The following RCOR2 variants were observed in gnomAD, a reference collection of about 807,000 sequenced individuals.
The protein encoded by RCOR2 is REST corepressor 2.
In RCOR2, 19 loss-of-function variants were observed where a neutral mutation model predicts 58.9. The ratio of observed to expected loss-of-function variants is 0.32; its 90% confidence interval spans 0.23 to 0.47. RCOR2 has a LOEUF of 0.47. Ranked by LOEUF, RCOR2 falls within the 20% of genes least tolerant of loss-of-function variation. RCOR2 has a pLI of 1.00. For missense variants in RCOR2, 590 were observed against 707.9 expected (o/e 0.83, Z 1.89); for synonymous variants, 286 against 278.7 (o/e 1.03, Z -0.26).
the RCOR2 span, among the ~76,000 whole-genome samples, chr11:63,926,874 T>G: frequency 1.3e-5 from 2 of 148,504 alleles, no homozygotes; most frequent in Non-Finnish European, 3.0e-5. Flanking sequence ...CAGGCTGGAG[T>G]GCAGTGGCGC....
At chr11:63,917,490 C>CG (rs1941877475), upstream of RCOR2, among the ~76,000 whole-genome samples, 1 of 152,090 alleles carries the variant, frequency 6.6e-6, no homozygotes, top group Non-Finnish European at 1.5e-5. Flanking sequence ...CCGCCTGCCC[C>CG]GGGGGCCCTG....
the RCOR2 span, among the ~76,000 whole-genome samples, chr11:63,922,844 A>G: frequency 7.2e-5 from 11 of 151,862 alleles, no homozygotes; most frequent in Admixed American, 2.0e-4. Flanking sequence ...TGCTCCACCC[A>G]CCCTGCAAAC....
rs1448977557 is a variant in RCOR2 at position 63,917,142 on chromosome 11, C to T, written c.-686G>A. 1.3e-5 allele frequency among the ~76,000 whole-genome samples: 2 copies of T among 151,942 alleles called. No homozygotes were observed. The highest frequency in any genetic ancestry group is 2.1e-4 in the South Asian group (1 of 4,834). ...CGCTTGCTCGCCCGCTCTCCGCCGC[C>T]GCTCGCTCCTCGCGCACACAATGAA... On this transcript the variant is annotated 5_prime_UTR_variant, in exon 1 of 12. Coordinates refer to ENST00000301459, the MANE Select transcript of RCOR2 (RefSeq NM_173587.4).
chr11:63,917,742 G>A (rs2134250204), upstream of RCOR2, among the ~76,000 whole-genome samples: 1 of 152,278 alleles, frequency 6.6e-6, no homozygotes, highest in Admixed American at 6.5e-5. Context: ...AACTGCTGCA[G>A]TATGCACCCC....
intron 10 of RCOR2, 71 bp from the exon 11 acceptor site, chr11:63,912,605 G>A: frequency 6.3e-7 from 1 of 1,577,758 alleles, no homozygotes; most frequent in Non-Finnish European, 8.7e-7. Context: ...CTTCCCCTCT[G>A]CCCCCCCACT....
At chr11:63,916,096 G>C (rs986927121) in intron 1 of RCOR2, among the ~76,000 whole-genome samples, 4 of 152,238 alleles carry the variant, frequency 2.6e-5, no homozygotes, top group Non-Finnish European at 4.4e-5. Context: ...GGTCCCTGAG[G>C]GGGTGAGGGC....
At chr11:63,913,477 A>G (rs1941809341) in intron 8 of RCOR2, among the ~76,000 whole-genome samples, 1 of 116,738 alleles carries the variant, frequency 8.6e-6, no homozygotes, top group African/African-American at 2.8e-5. Flanking sequence ...GGTATGAGCC[A>G]CCGTGCTCGG....
intron 8 of RCOR2, 42 bp from the exon 9 acceptor site, chr11:63,912,989 C>G: frequency 1.3e-6 from 2 of 1,563,396 alleles, no homozygotes. Context: ...ACTCCCATCT[C>G]AGGCAGGCCA....
Position 63,912,625 on chromosome 11 carries a change from G to A in RCOR2, c.1027+51C>T, listed in dbSNP as rs751186187. ...CCTCTGCCCCCCCACTCCTTGGAGG[G>A]TGGGGAGATAGATTCCTGGGGTCCT... On this transcript the variant is annotated intron_variant, in intron 10 of 11. Transcript: ENST00000301459. The A allele has an allele frequency of 2.5e-6, 4 of 1,603,382 alleles. No homozygotes were observed. The South Asian group carries it at 4.4e-5, about 18-fold the overall frequency.
At position 63,912,516 on chromosome 11, in the gene RCOR2, T is replaced by C. The variant is rs146698777; in HGVS notation, c.1046A>G (p.Lys349Arg). 2.0e-5 allele frequency: 32 copies of C among 1,613,890 alleles called. No individual in the cohort carries two copies. In the East Asian group the frequency reaches 3.1e-4, roughly 16 times the overall value. The change falls in exon 11 of 12, where the codon AAA becomes AGA. Residue 349 changes from lysine to arginine, a missense_variant. Physicochemically the swap from Lys to Arg is conservative, Grantham distance 26 (BLOSUM62 2). Around this residue, in one of 3 missense-constraint regions of RCOR2, gnomAD observed 390 missense variants for 478.7 expected, o/e 0.81. Coordinates refer to ENST00000301459, the MANE Select transcript of RCOR2 (RefSeq NM_173587.4). ...LAVQAIRRYG[K>R]DFGAIAEVIG... ...CACCTCTGCAATAGCCCCAAAGTCT[T>C]TGCCATACCTACGGATGGCTGCAAG... is the stretch of plus-strand genomic sequence containing the variant.
Position 63,916,684 on chromosome 11 carries a change from G to A in RCOR2, c.-228C>T, listed in dbSNP as rs993280803. ...GGGCGTCAGAAAAGTTTGTGCAGAA[G>A]TGGGGGACGCAAGGGATGAGCGCAA... On this transcript the variant is annotated 5_prime_UTR_variant, in exon 1 of 12. Transcript: ENST00000301459. 2 of 660,178 alleles carry A rather than the reference G, an allele frequency of 3.0e-6. No individual in the cohort carries two copies. The highest frequency in any genetic ancestry group is 4.9e-6 in the Non-Finnish European group (2 of 405,764). 40.9% of individuals were successfully genotyped at this position (660,178 alleles called of 1,614,324 possible).
At chr11:63,913,737 C>G (rs970734547) in intron 8 of RCOR2, among the ~76,000 whole-genome samples, 1 of 152,142 alleles carries the variant, frequency 6.6e-6, no homozygotes, top group Admixed American at 6.6e-5. Flanking sequence ...CGGCCTCAGT[C>G]CCCCGGAATG....
At chr11:63,921,744 G>A (rs530562821), upstream of RCOR2, among the ~76,000 whole-genome samples, 29 of 152,302 alleles carry the variant, frequency 1.9e-4, no homozygotes, top group African/African-American at 6.0e-4. Flanking sequence ...CCCCAGCAGG[G>A]CCCCCTCTGC....
chr11:63,914,790 C>T lies in RCOR2; in HGVS notation c.345G>A (p.Lys115=), dbSNP rs746407477. The T allele has an allele frequency of 3.7e-6, 6 of 1,611,214 alleles. No homozygotes were observed. In the African/African-American group the frequency reaches 8.0e-5, roughly 22 times the overall value. ...EQALGMLLWH[K]HDVEKSLADL... is the part of the protein sequence containing the mutation. Reference sequence around the variant, plus strand: ...CGGCCAGCGACTTCTCCACATCGTGCTTATGCCACAGAAGCATGCCCAGCG... The same window carrying T: ...CGGCCAGCGACTTCTCCACATCGTGTTTATGCCACAGAAGCATGCCCAGCG... The change falls in exon 5 of 12, where the codon AAG becomes AAA. Residue 115 remains lysine (K), a synonymous_variant. Coordinates refer to ENST00000301459, the MANE Select transcript of RCOR2 (RefSeq NM_173587.4).
In RCOR2 at chr11:63,914,482, G is replaced by C. The variant is rs150072584; in HGVS notation, c.540C>G (p.Arg180=). The C allele has an allele frequency of 6.2e-7, 1 of 1,613,856 alleles. No individual in the cohort carries two copies. Among genetic ancestry groups the C allele is most frequent in the East Asian group, 2.2e-5 (1 of 44,876 alleles). The change falls in exon 6 of 12, where the codon CGC becomes CGG. Residue 180 remains arginine (R), a synonymous_variant. Coordinates refer to ENST00000301459, the MANE Select transcript of RCOR2 (RefSeq NM_173587.4). ...GTCTGTCCATCACACTAGTTCGGCT[G>C]CGGGTCTTCTTCCAAGAGTAGTAGT... is the stretch of plus-strand genomic sequence containing the variant. ...VKYYYSWKKT[R]SRTSVMDRQA...
At chr11:63,925,288 C>T in the RCOR2 span, among the ~76,000 whole-genome samples, 1 of 152,196 alleles carries the variant, frequency 6.6e-6, no homozygotes, top group Non-Finnish European at 1.5e-5. Flanking sequence ...CCCCATTCCC[C>T]TTTTTTGTTT....
rs562141696 is a variant in RCOR2 at position 63,917,062 on chromosome 11, GT to G, written c.-607del. 2.9e-3 allele frequency among the ~76,000 whole-genome samples: 429 copies of G among 149,900 alleles called. 4 individuals carry two copies. The highest frequency in any genetic ancestry group is 1.0e-2 in the African/African-American group (413 of 41,306). On this transcript the variant is annotated 5_prime_UTR_variant, in exon 1 of 12. Coordinates refer to ENST00000301459, the MANE Select transcript of RCOR2 (RefSeq NM_173587.4). Reference sequence around the variant, plus strand: ...GGAGGCGGGCGGAGCGCAGCCGCGGGTGCCGCCTCGCACCCTCCCCGGCGCG... The same window carrying G: ...GGAGGCGGGCGGAGCGCAGCCGCGGGGCCGCCTCGCACCCTCCCCGGCGCG...
chr11:63,927,505 G>T, the RCOR2 span, among the ~76,000 whole-genome samples: 48 of 152,078 alleles, frequency 3.2e-4, no homozygotes, highest in Non-Finnish European at 3.1e-4. Context: ...CTGGGCTCAA[G>T]TGATCTGCCC....
At chr11:63,926,129 T>TC in the RCOR2 span, among the ~76,000 whole-genome samples, 2 of 152,104 alleles carry the variant, frequency 1.3e-5, no homozygotes, top group African/African-American at 4.8e-5. Context: ...CAGGCTGATC[T>TC]CGAACTCCTG....
Sources: gnomAD v4.1 joint callset for allele counts (sites outside exome capture counted in the v4.1 genomes callset) on GRCh38, gnomAD v4.1.1 for gene constraint, gnomAD v4.1.1 regional missense constraint, MANE v1.5 for transcripts, NCBI Gene and HGNC (gene_info 2026-07-23, HGNC 2026-07-21) for gene names.